The following SPINK9 variants were observed in gnomAD, a reference collection of about 807,000 sequenced individuals.
SPINK9 encodes the protein serine protease inhibitor Kazal-type 9.
In SPINK9, 3 loss-of-function variants were observed where a neutral mutation model predicts 10.8. That is an observed-to-expected ratio of 0.28 (90% CI 0.13 to 0.72). The LOEUF (loss-of-function observed/expected upper bound fraction) is 0.72, where lower values mean the gene tolerates loss of function less well. Ranked by LOEUF, SPINK9 falls within the 30% of genes least tolerant of loss-of-function variation. The probability of loss-of-function intolerance (pLI) is 0.74; values close to 1 mark genes in which losing one functional copy is unlikely to be tolerated. For missense variants in SPINK9, 101 were observed against 103.2 expected, an observed-to-expected ratio of 0.98 and a Z score of 0.09; for synonymous variants, 30 against 31.2, an observed-to-expected ratio of 0.96 and a Z score of 0.12.
intron 3 of SPINK9, 150 bp downstream of exon 3, chr5:148,338,755 T>A (rs1258203736): frequency 1.5e-5 from 8 of 519,846 alleles, no homozygotes; most frequent in Non-Finnish European, 2.6e-5. Flanking sequence ...AATTTGGGAG[T>A]CCCTGATATC....
intron 2 of SPINK9, among the ~76,000 whole-genome samples, chr5:148,329,111 C>T (rs959873731): frequency 6.6e-6 from 1 of 152,066 alleles, no homozygotes; most frequent in African/African-American, 2.4e-5. Context: ...CTGGTAGAAT[C>T]TGGCTGTGAA....
At chr5:148,332,433 C>T (rs1009464889), upstream of SPINK9, among the ~76,000 whole-genome samples, 1 of 152,106 alleles carries the variant, frequency 6.6e-6, no homozygotes, top group Non-Finnish European at 1.5e-5. Context: ...GACTCATTTA[C>T]CTTCTGTAAA....
chr5:148,337,148 G>A (rs1757227690), intron 2 of SPINK9, among the ~76,000 whole-genome samples: 1 of 152,156 alleles, frequency 6.6e-6, no homozygotes, highest in South Asian at 2.1e-4. Flanking sequence ...GTGAGAGGAT[G>A]TAAAGGATTA....
rs534010444 is a variant in SPINK9 at position 148,326,140 on chromosome 5, A to G, written c.118+2272A>G. ...ATACAAATGGTCAACAGATATATGAAAAAATGCTCAACATCTCTAATTACT... is the reference window on the plus strand; with the variant it reads ...ATACAAATGGTCAACAGATATATGAGAAAATGCTCAACATCTCTAATTACT... On this transcript the variant is annotated intron_variant, in intron 2 of 4. Transcript: ENST00000511717. Among the ~76,000 whole-genome samples the G allele has an allele frequency of 3.9e-5, 6 of 152,316 alleles. No individual in the cohort carries two copies. In the East Asian group the frequency reaches 1.2e-3, roughly 29 times the overall value.
intron 2 of SPINK9, among the ~76,000 whole-genome samples, chr5:148,329,154 A>T (rs1757111255): frequency 6.6e-6 from 1 of 152,082 alleles, no homozygotes; most frequent in South Asian, 2.1e-4. Context: ...TTTGTTTGGT[A>T]AGCTATTAAT....
At chr5:148,330,485 G>A (rs888609285) in intron 2 of SPINK9, among the ~76,000 whole-genome samples, 5 of 152,116 alleles carry the variant, frequency 3.3e-5, no homozygotes, top group African/African-American at 1.2e-4. Flanking sequence ...TCTTTTAATT[G>A]GAGTATTTAG....
chr5:148,338,686 T>C, intron 3 of SPINK9, 81 bp downstream of exon 3: 1 of 1,075,496 alleles, frequency 9.3e-7, no homozygotes, highest in Non-Finnish European at 1.3e-6. Flanking sequence ...ATGTAGGGCC[T>C]AAGGAATATG....
intron 3 of SPINK9, among the ~76,000 whole-genome samples, chr5:148,339,242 T>C (rs574787995): frequency 1.3e-5 from 2 of 152,186 alleles, no homozygotes; most frequent in African/African-American, 2.4e-5. Flanking sequence ...TATAAAATAA[T>C]GAATGATATA....
At chr5:148,336,877 C>T (rs532515968) in intron 2 of SPINK9, among the ~76,000 whole-genome samples, 1 of 152,202 alleles carries the variant, frequency 6.6e-6, no homozygotes, top group East Asian at 1.9e-4. Flanking sequence ...TTTAATTTAG[C>T]CTTCCATTCA....
chr5:148,332,136 C>T (rs574353961), upstream of SPINK9, among the ~76,000 whole-genome samples: 1 of 152,302 alleles, frequency 6.6e-6, no homozygotes, highest in South Asian at 2.1e-4. Flanking sequence ...AAGTTATAAA[C>T]TTAAAAAGGT....
At chr5:148,336,582 T>C in intron 2 of SPINK9, 129 bp downstream of exon 2, 2 of 1,018,400 alleles carry the variant, frequency 2.0e-6, no homozygotes, top group Non-Finnish European at 2.9e-6. Context: ...ACTGGTTTTA[T>C]TTCAAAAATT....
At chr5:148,331,777 A>G (rs114617796), upstream of SPINK9, among the ~76,000 whole-genome samples, 1,414 of 152,322 alleles carry the variant, frequency 9.3e-3, 25 homozygotes, top group African/African-American at 0.032. Flanking sequence ...AAATAAAACT[A>G]TATTTCAAAA....
chr5:148,338,792 A>G (rs554762385), intron 3 of SPINK9, among the ~76,000 whole-genome samples, 187 bp downstream of exon 3: 1 of 152,120 alleles, frequency 6.6e-6, no homozygotes, highest in Non-Finnish European at 1.5e-5. Flanking sequence ...TTCTGGAAGT[A>G]AGAGTGAATC....
At chr5:148,322,846 C>T (rs1757014373) in intron 1 of SPINK9, among the ~76,000 whole-genome samples, 3 of 152,200 alleles carry the variant, frequency 2.0e-5, no homozygotes, top group South Asian at 2.1e-4. Flanking sequence ...CCAAAGTAGA[C>T]ACCAGACTGT....
At chr5:148,325,981 G>C (rs991481627) in intron 2 of SPINK9, among the ~76,000 whole-genome samples, 1 of 152,100 alleles carries the variant, frequency 6.6e-6, no homozygotes, top group East Asian at 1.9e-4. Context: ...ATTCTCCGAA[G>C]AATTGTCTTG....
intron 2 of SPINK9, among the ~76,000 whole-genome samples, chr5:148,330,320 G>A (rs1340626038): frequency 2.0e-5 from 3 of 151,938 alleles, no homozygotes; most frequent in Admixed American, 6.6e-5. Flanking sequence ...CGAGACTAGG[G>A]TTGCAACCCC....
upstream of SPINK9, among the ~76,000 whole-genome samples, chr5:148,331,907 A>C (rs959665595): frequency 2.0e-5 from 3 of 152,198 alleles, no homozygotes; most frequent in African/African-American, 7.2e-5. Context: ...TCTTTCTCAG[A>C]TAGCCAACTG....
At chr5:148,328,951 G>T (rs541532751) in intron 2 of SPINK9, among the ~76,000 whole-genome samples, 1 of 152,256 alleles carries the variant, frequency 6.6e-6, no homozygotes, top group African/African-American at 2.4e-5. Flanking sequence ...CAAGGATATT[G>T]GTCTAAAATT....
rs1190933506 is a variant in SPINK9 at position 148,336,317 on chromosome 5, T to C, written c.56-105T>C. The C allele has an allele frequency of 4.0e-6, 5 of 1,234,926 alleles. No individual in the cohort carries two copies. In the South Asian group the frequency reaches 4.9e-5, roughly 12 times the overall value. The allele number at this position is 1,234,926 out of a possible 1,614,324, so 76.5% of individuals were successfully genotyped here. A position where few individuals can be genotyped will look rare whatever the true frequency, so the allele number is the denominator to read the frequency against. ...ACACAGTTGTGAAGAGAGACTTACA[T>C]TTTTATGACAGGCTGAAAGCTAAAG... is the stretch of plus-strand genomic sequence containing the variant. On this transcript the variant is annotated intron_variant, in intron 1 of 3. Transcript: ENST00000377906.
Sources: gnomAD v4.1 joint callset for allele counts (sites outside exome capture counted in the v4.1 genomes callset) on GRCh38, gnomAD v4.1.1 for gene constraint, MANE v1.5 for transcripts, NCBI Gene and HGNC (gene_info 2026-07-23, HGNC 2026-07-21) for gene names.